Variants in PRKN observed in about 807,000 individuals in gnomAD.
The protein encoded by PRKN is parkin RBR E3 ubiquitin protein ligase.
Under a neutral mutation model 59.5 loss-of-function variants are expected in PRKN, and 56 were observed. The ratio of observed to expected loss-of-function variants is 0.94; its 90% CI spans 0.76 to 1.18. PRKN has a LOEUF of 1.18. PRKN is among the 50% of genes most tolerant of loss of function. The probability of loss-of-function intolerance (pLI) is 0.00; values close to 1 mark genes in which losing one functional copy is unlikely to be tolerated. For missense variants in PRKN, 657 were observed against 596.4 expected (o/e 1.10, Z -1.06); for synonymous variants, 250 against 222.1 (o/e 1.13, Z -1.12).
chr6:162,282,443 T>C (rs1780949636), intron 2 of PRKN, among the ~76,000 whole-genome samples: 1 of 152,188 alleles, frequency 6.6e-6, no homozygotes, highest in African/African-American at 2.4e-5. Context: ...GTGCTTATGA[T>C]AAACAGCTAA....
chr6:162,389,116 G>T (rs1351523636), intron 2 of PRKN, among the ~76,000 whole-genome samples: 1 of 151,750 alleles, frequency 6.6e-6, no homozygotes, highest in Non-Finnish European at 1.5e-5. Flanking sequence ...TGTTTTGAAT[G>T]GATGTGTGAG....
At chr6:162,580,691 G>A (rs1780756837) in intron 1 of PRKN, among the ~76,000 whole-genome samples, 1 of 152,168 alleles carries the variant, frequency 6.6e-6, no homozygotes, top group Non-Finnish European at 1.5e-5. Context: ...CATCAAGGGA[G>A]GCAATTAGGC....
At chr6:161,524,259 T>C (rs1345824817) in intron 9 of PRKN, among the ~76,000 whole-genome samples, 36 of 152,158 alleles carry the variant, frequency 2.4e-4, no homozygotes, top group South Asian at 2.1e-4. Context: ...CCATATAATA[T>C]TGGGCAGAAG....
intron 2 of PRKN, among the ~76,000 whole-genome samples, chr6:162,415,174 G>A (rs371843445): frequency 2.4e-4 from 37 of 152,236 alleles, no homozygotes; most frequent in East Asian, 1.7e-3. Flanking sequence ...TAGACTTAGC[G>A]TAGCTACAAT....
chr6:161,972,627 G>C (rs951554687), intron 6 of PRKN, among the ~76,000 whole-genome samples: 3 of 152,242 alleles, frequency 2.0e-5, no homozygotes, highest in Admixed American at 6.5e-5. Context: ...GTGCATGAAT[G>C]TGTGCGAAGC....
At chr6:161,896,930 G>A (rs568079079) in intron 6 of PRKN, among the ~76,000 whole-genome samples, 4 of 152,320 alleles carry the variant, frequency 2.6e-5, no homozygotes, top group Non-Finnish European at 2.9e-5. Context: ...TGTTCAGCAC[G>A]CACAGTCACG....
chr6:161,891,274 T>C (rs1488622552), intron 6 of PRKN, among the ~76,000 whole-genome samples: 1 of 152,152 alleles, frequency 6.6e-6, no homozygotes. Flanking sequence ...GCCAAGTTCA[T>C]GGGCGCCCCG....
chr6:162,503,142 T>TTTTC (rs1337459751), intron 1 of PRKN, among the ~76,000 whole-genome samples: 10 of 146,618 alleles, frequency 6.8e-5, no homozygotes, highest in African/African-American at 2.5e-4. Context: ...ATTTCTTTTT[T>TTTTC]TTTTTTTTTT....
chr6:161,496,627 T>C (rs991291486), intron 9 of PRKN, among the ~76,000 whole-genome samples: 1 of 152,230 alleles, frequency 6.6e-6, no homozygotes, highest in Non-Finnish European at 1.5e-5. Flanking sequence ...ACCCCCATGA[T>C]TCAATTATCT....
At chr6:162,008,980 C>T (rs926844714) in intron 5 of PRKN, among the ~76,000 whole-genome samples, 2 of 152,010 alleles carry the variant, frequency 1.3e-5, no homozygotes, top group South Asian at 4.1e-4. Context: ...TGTGGCCAAG[C>T]GCAGTGGCTC....
intron 9 of PRKN, among the ~76,000 whole-genome samples, chr6:161,486,980 T>C (rs1791679248): frequency 6.6e-6 from 1 of 152,108 alleles, no homozygotes; most frequent in Non-Finnish European, 1.5e-5. Context: ...TGCACATCAG[T>C]GTCTGAGTAA....
At chr6:162,605,750 T>G (rs937808226) in intron 1 of PRKN, among the ~76,000 whole-genome samples, 1 of 152,154 alleles carries the variant, frequency 6.6e-6, no homozygotes, top group South Asian at 2.1e-4. Flanking sequence ...AAAACAAATA[T>G]GTCAAAATGA....
intron 9 of PRKN, among the ~76,000 whole-genome samples, chr6:161,426,919 T>C (rs987787694): frequency 1.7e-5 from 2 of 115,750 alleles, no homozygotes; most frequent in South Asian, 2.9e-4. Flanking sequence ...TGGGGTTTCA[T>C]CATGTTAGCC....
chr6:161,783,861 T>A (rs1208829795), intron 7 of PRKN, among the ~76,000 whole-genome samples: 1 of 152,246 alleles, frequency 6.6e-6, no homozygotes, highest in African/African-American at 2.4e-5. Flanking sequence ...AATCATTGCA[T>A]TATTGGTAGA....
At chr6:162,514,722 G>C (rs190812785) in intron 1 of PRKN, among the ~76,000 whole-genome samples, 1 of 152,098 alleles carries the variant, frequency 6.6e-6, no homozygotes, top group African/African-American at 2.4e-5. Flanking sequence ...TTAAGCCCAG[G>C]AGTATGAGAC....
intron 1 of PRKN, among the ~76,000 whole-genome samples, chr6:162,703,812 C>T (rs1011848465): frequency 1.3e-5 from 2 of 152,118 alleles, no homozygotes; most frequent in African/African-American, 2.4e-5. Context: ...TTATCTTTAC[C>T]GGATTACCAC....
intron 4 of PRKN, 86 bp downstream of exon 4, chr6:162,201,045 G>A: frequency 7.2e-7 from 1 of 1,386,426 alleles, no homozygotes; most frequent in Non-Finnish European, 1.0e-6. Context: ...AAAGACGGGT[G>A]ATACATCATT....
intron 7 of PRKN, among the ~76,000 whole-genome samples, chr6:161,650,911 AT>A (rs1274946635): frequency 1.3e-5 from 2 of 152,142 alleles, no homozygotes; most frequent in Non-Finnish European, 2.9e-5. Flanking sequence ...GTTATTTGTC[AT>A]TTCCAAGGGT....
Position 161,989,942 on chromosome 6 carries a change from G to A in PRKN, c.619-16525C>T, listed in dbSNP as rs538038125. 5.3e-5 allele frequency among the ~76,000 whole-genome samples: 8 copies of A among 152,186 alleles called. No homozygotes were observed. The South Asian group carries it at 1.5e-3, about 28-fold the overall frequency. On this transcript the variant is annotated intron_variant, in intron 5 of 11. Transcript: ENST00000366898. The stretch of plus-strand genomic sequence containing the variant: ...ATCTACCCATATGCATCACCTGGAG[G>A]CCTGAGCACTGGCTTGCTTACCCTG...
Sources: gnomAD v4.1 joint callset for allele counts (sites outside exome capture counted in the v4.1 genomes callset) on GRCh38, gnomAD v4.1.1 for gene constraint, MANE v1.5 for transcripts, NCBI Gene and HGNC (gene_info 2026-07-23, HGNC 2026-07-21) for gene names.